Variants in GOLGB1 observed in about 807,000 individuals in gnomAD.
GOLGB1 encodes golgin B1, also known as golgin subfamily B member 1.
A neutral mutation model predicts 336.9 loss-of-function variants in GOLGB1; 174 were observed. The observed-to-expected ratio is 0.52, with a 90% CI of 0.46 to 0.59. The LOEUF is 0.59. GOLGB1 is among the 20% of genes least tolerant of loss of function. The pLI, the probability that GOLGB1 is intolerant of heterozygous loss-of-function variation, is 0.00. For synonymous variants in GOLGB1, 1,208 were observed against 1,289.2 expected (o/e 0.94, Z 1.35); for missense variants, 3,331 against 3,645.3 (o/e 0.91, Z 2.22).
chr3:121,689,178 T>C (rs947015476), intron 14 of GOLGB1, among the ~76,000 whole-genome samples: 37 of 152,030 alleles, frequency 2.4e-4, no homozygotes, highest in African/African-American at 8.5e-4. Flanking sequence ...GAACGGGCCA[T>C]GATGACAATG....
chr3:121,740,593 C>A (rs1036917642), intron 1 of GOLGB1, among the ~76,000 whole-genome samples: 2 of 152,120 alleles, frequency 1.3e-5, no homozygotes, highest in African/African-American at 4.8e-5. Flanking sequence ...AAAGGATACA[C>A]CAGACTTCTG....
chr3:121,714,987 G>GAAAAAA lies in GOLGB1; in HGVS notation c.1289-17_1289-12dup, dbSNP rs761099801. 7.2e-7 allele frequency: 1 copy of GAAAAAA among 1,384,362 alleles called. No homozygotes were observed. Among genetic ancestry groups the GAAAAAA allele is most frequent in the African/African-American group, 1.4e-5 (1 of 69,784 alleles). The allele number at this position is 1,384,362 out of a possible 1,614,324, so 85.8% of individuals were successfully genotyped here. A position where few individuals can be genotyped will look rare whatever the true frequency, so the allele number is the denominator to read the frequency against. Reference sequence around the variant, plus strand: ...TTTGCTGGAGCTGATCTAAGGAAAAGAAAAAAAATAAATGTAATATTTGCT... The same window carrying GAAAAAA: ...TTTGCTGGAGCTGATCTAAGGAAAAGAAAAAAAAAAAAAATAAATGTAATATTTGCT... On this transcript the variant is annotated splice_polypyrimidine_tract_variant and intron_variant, in intron 9 of 21. Transcript: ENST00000614479.
intron 10 of GOLGB1, among the ~76,000 whole-genome samples, chr3:121,707,080 A>G (rs554451446): frequency 3.3e-4 from 50 of 151,828 alleles, no homozygotes; most frequent in Middle Eastern, 3.4e-3. Context: ...ACAAAAAAAT[A>G]GCCAGGTGTG....
At chr3:121,746,554 T>C (rs1424829570) in intron 1 of GOLGB1, among the ~76,000 whole-genome samples, 3 of 152,136 alleles carry the variant, frequency 2.0e-5, no homozygotes, top group Non-Finnish European at 4.4e-5. Context: ...GCGATCTCAC[T>C]ACAATCTCTG....
At position 121,696,314 on chromosome 3, in the gene GOLGB1, T is replaced by C. The variant is rs1942940580; in HGVS notation, c.4209A>G (p.Gln1403=). The C allele has an allele frequency of 6.2e-7, 1 of 1,614,086 alleles. No homozygotes were observed. The highest frequency in any genetic ancestry group is 8.5e-7 in the Non-Finnish European group (1 of 1,180,026). The part of the protein sequence containing the change: ...RELQPKLDEL[Q]KLISKKEEDV... ...CTTCTTCCTTTTTGCTTATGAGTTTTTGCAGTTCATCCAGTTTAGGTTGCA... is the reference window on the plus strand; with the variant it reads ...CTTCTTCCTTTTTGCTTATGAGTTTCTGCAGTTCATCCAGTTTAGGTTGCA... The change falls in exon 13 of 22, where the codon CAA becomes CAG. Residue 1403 remains glutamine, a synonymous_variant. Transcript: ENST00000614479.
In GOLGB1 at chr3:121,717,121, G is replaced by A; in HGVS notation, c.904C>T (p.Gln302Ter). ...QRNQILSQQL[Q>*]QMEAEHNTLR... is the part of the protein sequence containing the mutation. The stretch of plus-strand genomic sequence containing the variant: ...GTATTATGCTCAGCTTCCATCTGCT[G>A]TAACTGCTGAGAGAGAATCTAAGAA... Residue 302 changes from glutamine to a stop codon, truncating the protein, a stop_gained, in exon 9 of 22, where the codon CAG becomes TAG. Transcript: ENST00000614479. LOFTEE classifies it high-confidence loss of function. The A allele has an allele frequency of 6.2e-7, 1 of 1,607,978 alleles. No homozygotes were observed. Among genetic ancestry groups the A allele is most frequent in the Non-Finnish European group, 8.5e-7 (1 of 1,177,284 alleles).
chr3:121,690,888 A>G lies in GOLGB1; in HGVS notation c.8476T>C (p.Ser2826Pro). 1 of 1,614,192 alleles carries G rather than the reference A, an allele frequency of 6.2e-7. No individual in the cohort carries two copies. The highest frequency in any genetic ancestry group is 8.5e-7 in the Non-Finnish European group (1 of 1,180,006). ...TTATAAGAATCTTCTAGTTGTGAGG[A>G]CAAGTGAAGCAATTGCTCATCTTTG... The part of the protein sequence containing the change: ...LSKDEQLLHL[S>P]SQLEDSYNQV... The change falls in exon 14 of 22, where the codon TCC (serine) becomes CCC (proline). Residue 2826 changes from serine to proline, a missense_variant. Ser to Pro is a moderately conservative substitution (Grantham distance 74). Transcript: ENST00000614479.
Position 121,690,668 on chromosome 3 carries a change from A to G in GOLGB1, c.8694+2T>C. On this transcript the variant is annotated splice_donor_variant, in intron 14 of 21. Coordinates refer to ENST00000614479, the MANE Select transcript of GOLGB1 (RefSeq NM_001366282.2). LOFTEE classifies it high-confidence loss of function. ...ATCAGAAAGAAAGAACTAGCTACTC[A>G]CTAGTCTGTCTCTGTCATTTTGGAG... is the stretch of plus-strand genomic sequence containing the variant. 4.9e-6 allele frequency: 7 copies of G among 1,415,944 alleles called. No individual in the cohort carries two copies. The highest frequency in any genetic ancestry group is 6.7e-6 in the Non-Finnish European group (7 of 1,048,742). The allele number at this position is 1,415,944 out of a possible 1,614,324, so 87.7% of individuals were successfully genotyped here.
chr3:121,720,841 C>T (rs1400106050), intron 6 of GOLGB1, among the ~76,000 whole-genome samples: 1 of 152,170 alleles, frequency 6.6e-6, no homozygotes, highest in Non-Finnish European at 1.5e-5. Context: ...ATCTATATAT[C>T]ATGGTTTTGC....
At position 121,691,039 on chromosome 3, in the gene GOLGB1, C is replaced by A; in HGVS notation, c.8325G>T (p.Gln2775His). 4 of 1,613,794 alleles carry A rather than the reference C, an allele frequency of 2.5e-6. No individual in the cohort carries two copies. The highest frequency in any genetic ancestry group is 3.4e-6 in the Non-Finnish European group (4 of 1,179,770). Residue 2775 changes from glutamine to histidine, a missense_variant, in exon 14 of 22, where the codon CAG (glutamine) becomes CAT (histidine). Gln to His is a conservative substitution (Grantham distance 24). Transcript: ENST00000614479. Reference protein sequence around the residue: ...KYDASLKELAQLKEQGLLNRE... With the variant: ...KYDASLKELAHLKEQGLLNRE... ...TGTTTAAGAGTCCCTGTTCTTTCAA[C>A]TGTGCCAATTCCTTCAGACTGGCAT...
Position 121,697,604 on chromosome 3 carries a change from T to C in GOLGB1, c.2919A>G (p.Pro973=). The change falls in exon 13 of 22, where the codon CCA becomes CCG. Residue 973 remains proline, a synonymous_variant. Transcript: ENST00000614479. The part of the protein sequence containing the change: ...GLKQNYDEMS[P]AGQISKEELQ... ...GTTCTTCCTTACTTATTTGTCCTGC[T>C]GGGCTCATCTCATCATAATTTTGTT... 2 of 1,613,396 alleles carry C rather than the reference T, an allele frequency of 1.2e-6. No individual in the cohort carries two copies. Among genetic ancestry groups the C allele is most frequent in the Non-Finnish European group, 1.7e-6 (2 of 1,179,906 alleles).
intron 15 of GOLGB1, among the ~76,000 whole-genome samples, chr3:121,678,208 T>C (rs1408337649): frequency 6.6e-6 from 1 of 152,236 alleles, no homozygotes; most frequent in Non-Finnish European, 1.5e-5. Context: ...TGTTCACTTA[T>C]AATCAAGTCC....
In GOLGB1 at chr3:121,693,989, A is replaced by C; in HGVS notation, c.6534T>G (p.Val2178=). Residue 2178 remains valine (V), a synonymous_variant, in exon 13 of 22, where the codon GTT becomes GTG. Transcript: ENST00000614479. ...TGTCCAAGTTTTCCTGAAGTTGCTG[A>C]ACTTCCTTGTCTTTCTTGTTCAAAG... The part of the protein sequence containing the change: ...QVTLNKKDKE[V]QQLQENLDST... 6.2e-7 allele frequency: 1 copy of C among 1,614,174 alleles called. No individual in the cohort carries two copies. The highest frequency in any genetic ancestry group is 8.5e-7 in the Non-Finnish European group (1 of 1,180,020).
Position 121,697,843 on chromosome 3 carries a change from C to T in GOLGB1, c.2680G>A (p.Val894Met), listed in dbSNP as rs1318078166. ...TCGATGGTTTGTTGGAGGGTTTCCACATCTCTCTTTTTCTCTAGTAAGAGC... is the reference window on the plus strand; with the variant it reads ...TCGATGGTTTGTTGGAGGGTTTCCATATCTCTCTTTTTCTCTAGTAAGAGC... ...DQLLLEKKRDVETLQQTIEEK... is the reference protein window; with the variant it reads ...DQLLLEKKRDMETLQQTIEEK... The change falls in exon 13 of 22, where the codon GTG becomes ATG. Residue 894 changes from valine to methionine, a missense_variant. Physicochemically the swap from Val to Met is conservative, Grantham distance 21. Coordinates refer to ENST00000614479, the MANE Select transcript of GOLGB1 (RefSeq NM_001366282.2). The T allele has an allele frequency of 6.2e-6, 10 of 1,614,126 alleles. No individual in the cohort carries two copies. Among genetic ancestry groups the T allele is most frequent in the Non-Finnish European group, 8.5e-6 (10 of 1,179,972 alleles).
In GOLGB1 at chr3:121,682,724, C is replaced by T. The variant is rs114398224; in HGVS notation, c.8695-859G>A. Among the ~76,000 whole-genome samples the T allele has an allele frequency of 2.5e-3, 383 of 152,182 alleles. 3 individuals carry two copies. The highest frequency in any genetic ancestry group is 8.9e-3 in the African/African-American group (371 of 41,522). On this transcript the variant is annotated intron_variant, in intron 14 of 21. Transcript: ENST00000614479. ...ACCTCTTTCACCCACTTAGAGACAT[C>T]GCTAAAGCTAAAATAATAGCATTTT...
In GOLGB1 at chr3:121,731,109, C is replaced by T; in HGVS notation, c.-2-136G>A. 1.3e-5 allele frequency: 11 copies of T among 820,532 alleles called. No individual in the cohort carries two copies. In the South Asian group the frequency reaches 2.0e-4, roughly 15 times the overall value. The allele number at this position is 820,532 out of a possible 1,614,324, so 50.8% of individuals were successfully genotyped here. ...GATTTGTATTAGACACAGTCTGCAGCACAATGATGTCTTCAAAAAGGCATT... is the reference window on the plus strand; with the variant it reads ...GATTTGTATTAGACACAGTCTGCAGTACAATGATGTCTTCAAAAAGGCATT... On this transcript the variant is annotated intron_variant, in intron 1 of 21. Coordinates refer to ENST00000614479, the MANE Select transcript of GOLGB1 (RefSeq NM_001366282.2).
rs1035819225 is a variant in GOLGB1 at position 121,702,365 on chromosome 3, T to A, written c.1519+116A>T. On this transcript the variant is annotated intron_variant, in intron 11 of 21. Coordinates refer to ENST00000614479, the MANE Select transcript of GOLGB1 (RefSeq NM_001366282.2). ...TTTGATAGTTACCAGCTCTATTATC[T>A]AAATCTTTATTATCACGGAATCAGA... 1.2e-5 allele frequency: 5 copies of A among 425,258 alleles called. No individual in the cohort carries two copies. The East Asian group carries it at 1.7e-4, about 15-fold the overall frequency. The allele number at this position is 425,258 out of a possible 1,614,324, so 26.3% of individuals were successfully genotyped here. A position where few individuals can be genotyped will look rare whatever the true frequency, so the allele number is the denominator to read the frequency against.
At chr3:121,665,183 G>T in intron 20 of GOLGB1, 152 bp from the exon 21 acceptor site, 1 of 597,074 alleles carries the variant, frequency 1.7e-6, no homozygotes, top group Non-Finnish European at 3.0e-6. Flanking sequence ...TGCAAGGGGG[G>T]TACCAGCAGA....
chr3:121,702,069 A>G (rs1297340131), intron 11 of GOLGB1, among the ~76,000 whole-genome samples: 2 of 152,026 alleles, frequency 1.3e-5, no homozygotes, highest in Non-Finnish European at 2.9e-5. Context: ...CTCACTCACA[A>G]CATAGTTTCT....
Sources: allele counts gnomAD v4.1 joint callset (sites outside exome capture counted in the v4.1 genomes callset), GRCh38; gene constraint gnomAD v4.1.1; transcripts MANE v1.5; gene names NCBI Gene and HGNC (gene_info 2026-07-23, HGNC 2026-07-21).